PARD3: variants seen among roughly 807,000 people sequenced by gnomAD.
The protein encoded by PARD3 is partitioning defective 3 homolog.
Under a neutral mutation model 155.4 loss-of-function variants are expected in PARD3, and 75 were observed. The observed-to-expected ratio is 0.48, with a 90% CI of 0.40 to 0.58. The LOEUF (loss-of-function observed/expected upper bound fraction) is 0.58. Ranked by LOEUF, PARD3 falls within the 20% of genes least tolerant of loss-of-function variation. The pLI, the probability that PARD3 is intolerant of heterozygous loss-of-function variation, is 0.00. For missense variants in PARD3, 1,642 were observed against 1,721.7 expected, an observed-to-expected ratio of 0.95 and a Z score of 0.82; for synonymous variants, 576 against 610.5, an observed-to-expected ratio of 0.94 and a Z score of 0.83.
chr10:34,230,609 T>G (rs61840216), intron 22 of PARD3, among the ~76,000 whole-genome samples: 24,571 of 152,170 alleles, frequency 0.16, 2,659 homozygotes, highest in Middle Eastern at 0.31. Flanking sequence ...TTGTCATATT[T>G]TGGCCTTTTC....
chr10:34,290,407 A>AT (rs1350055494), intron 20 of PARD3, among the ~76,000 whole-genome samples: 19 of 152,232 alleles, frequency 1.2e-4, no homozygotes, highest in African/African-American at 4.3e-4. Context: ...TCTCACTGCT[A>AT]ATTACCTAGG....
chr10:34,780,929 T>C (rs143743712), intron 1 of PARD3, among the ~76,000 whole-genome samples: 258 of 152,282 alleles, frequency 1.7e-3, no homozygotes, highest in African/African-American at 5.9e-3. Context: ...CCTCAAGATA[T>C]GACTTCACAC....
At chr10:34,585,471 A>C (rs1177667320) in intron 2 of PARD3, among the ~76,000 whole-genome samples, 1 of 151,910 alleles carries the variant, frequency 6.6e-6, no homozygotes, top group African/African-American at 2.4e-5. Context: ...GCTAAACTTC[A>C]CCTGCTAATT....
At chr10:34,651,590 C>CATAAG (rs2093015737) in intron 2 of PARD3, among the ~76,000 whole-genome samples, 1 of 152,182 alleles carries the variant, frequency 6.6e-6, no homozygotes, top group South Asian at 2.1e-4. Flanking sequence ...AGACAAAAAC[C>CATAAG]ATAAGCACTG....
At position 34,210,875 on chromosome 10, in the gene PARD3, C is replaced by T. The variant is rs191419475; in HGVS notation, c.3419+58782G>A. Among the ~76,000 whole-genome samples the T allele has an allele frequency of 2.0e-3, 304 of 152,270 alleles. 1 individual carries two copies. Among genetic ancestry groups the T allele is most frequent in the African/African-American group, 6.9e-3 (285 of 41,550 alleles). ...ACACAGTGTGGTGGTAAGGGGTTGG[C>T]TGCACACTCTCCTATGACCCTGTGC... On this transcript the variant is annotated intron_variant, in intron 22 of 24. Transcript: ENST00000374788.
At chr10:34,319,570 T>C (rs1489077881) in intron 19 of PARD3, among the ~76,000 whole-genome samples, 1 of 152,204 alleles carries the variant, frequency 6.6e-6, no homozygotes, top group Non-Finnish European at 1.5e-5. Context: ...TAGAAGGACA[T>C]AGTGAAAATC....
chr10:34,664,227 G>C (rs952843277), intron 2 of PARD3: 2 of 152,222 alleles, frequency 1.3e-5, no homozygotes, highest in African/African-American at 4.8e-5. Context: ...TTTTGAGACA[G>C]AGTCTCGAAC....
intron 22 of PARD3, among the ~76,000 whole-genome samples, chr10:34,150,325 T>C (rs756591172): frequency 1.1e-4 from 16 of 152,262 alleles, no homozygotes; most frequent in Non-Finnish European, 1.9e-4. Flanking sequence ...ACTGAAGATA[T>C]AGCTTTGGCA....
intron 2 of PARD3, among the ~76,000 whole-genome samples, chr10:34,693,836 CAA>C (rs2133452517): frequency 1.3e-5 from 2 of 152,170 alleles, no homozygotes; most frequent in African/African-American, 4.8e-5. Flanking sequence ...TAAATTAAAA[CAA>C]AAGACTACAC....
At chr10:34,569,452 C>G (rs1244810360) in intron 2 of PARD3, among the ~76,000 whole-genome samples, 2 of 152,124 alleles carry the variant, frequency 1.3e-5, no homozygotes, top group East Asian at 3.9e-4. Flanking sequence ...GAGTCTTGCT[C>G]TGTTGCCCAG....
intron 22 of PARD3, among the ~76,000 whole-genome samples, chr10:34,164,910 T>C (rs1949454010): frequency 6.6e-6 from 1 of 152,146 alleles, no homozygotes; most frequent in Admixed American, 6.6e-5. Flanking sequence ...AGTAATCAAG[T>C]CATTTACTGA....
chr10:34,361,234 C>T (rs1159591336), intron 12 of PARD3, among the ~76,000 whole-genome samples: 1 of 152,208 alleles, frequency 6.6e-6, no homozygotes, highest in Non-Finnish European at 1.5e-5. Flanking sequence ...ACATAACAGA[C>T]ACGTGGCACA....
intron 2 of PARD3, among the ~76,000 whole-genome samples, chr10:34,606,192 G>A (rs1022637453): frequency 1.2e-4 from 14 of 120,384 alleles, no homozygotes; most frequent in Admixed American, 3.9e-4. Context: ...GTGTGTGTGT[G>A]TGTGTGTGTG....
intron 22 of PARD3, among the ~76,000 whole-genome samples, chr10:34,187,144 T>C (rs1345708296): frequency 3.3e-5 from 5 of 152,184 alleles, no homozygotes; most frequent in African/African-American, 1.2e-4. Context: ...CAGGGGTACA[T>C]GGGGGTAGAG....
intron 9 of PARD3, 91 bp downstream of exon 9, chr10:34,382,449 A>T: frequency 7.5e-7 from 1 of 1,341,322 alleles, no homozygotes; most frequent in Non-Finnish European, 1.0e-6. Flanking sequence ...TTGGGTTAGT[A>T]GGTTGACTTT....
At chr10:34,220,730 A>G (rs1045045750) in intron 22 of PARD3, among the ~76,000 whole-genome samples, 3 of 152,202 alleles carry the variant, frequency 2.0e-5, no homozygotes, top group Admixed American at 2.0e-4. Context: ...TGCACTTCTC[A>G]GCACATAGTT....
chr10:34,721,735 G>A (rs1158986869), intron 1 of PARD3, among the ~76,000 whole-genome samples: 1 of 152,226 alleles, frequency 6.6e-6, no homozygotes, highest in Non-Finnish European at 1.5e-5. Context: ...TCAGTTATCT[G>A]CTGGAAGATA....
intron 2 of PARD3, among the ~76,000 whole-genome samples, chr10:34,605,634 A>G (rs1317445828): frequency 2.7e-5 from 3 of 111,226 alleles, no homozygotes; most frequent in Non-Finnish European, 5.0e-5. Flanking sequence ...CTATATATAT[A>G]TATCTCCTAT....
rs564929100 is a variant in PARD3, at chr10:34,328,272, A to C, written c.2833+2845T>G. Among the ~76,000 whole-genome samples, 3 of 152,258 alleles carry C rather than the reference A, an allele frequency of 2.0e-5. No homozygotes were observed. In the East Asian group the frequency reaches 5.8e-4, roughly 29 times the overall value. On this transcript the variant is annotated intron_variant, in intron 19 of 24. Coordinates refer to ENST00000374788, the MANE Select transcript of PARD3 (RefSeq NM_001184785.2). Reference sequence around the variant, plus strand: ...ATTTGGCAGACATTTATTTAATTCTATGATTTGCCAAGCTTTGTGTTTGGT... The same window carrying C: ...ATTTGGCAGACATTTATTTAATTCTCTGATTTGCCAAGCTTTGTGTTTGGT...
Sources: gnomAD v4.1 joint callset for allele counts (sites outside exome capture counted in the v4.1 genomes callset) on GRCh38, gnomAD v4.1.1 for gene constraint, MANE v1.5 for transcripts, NCBI Gene and HGNC (gene_info 2026-07-23, HGNC 2026-07-21) for gene names.